ZNF804A: variants seen among roughly 807,000 people sequenced by gnomAD.
ZNF804A encodes the protein zinc finger protein 804A.
ZNF804A carries 2 observed loss-of-function variants against 16.5 expected under a neutral mutation model. The ratio of observed to expected loss-of-function variants is 0.12; its 90% CI spans 0.05 to 0.38. ZNF804A has a LOEUF of 0.38. Among genes scored for constraint, ZNF804A ranks in the 10% least tolerant of loss-of-function variants. The probability of loss-of-function intolerance (pLI) is 0.99; values close to 1 mark genes in which losing one functional copy is unlikely to be tolerated. For synonymous variants in ZNF804A, 534 were observed against 489.6 expected (o/e 1.09, Z -1.20); for missense variants, 1,473 against 1,390.7 (o/e 1.06, Z -0.94).
chr2:184,729,019 T>C (rs1463471306), intron 1 of ZNF804A, among the ~76,000 whole-genome samples: 1 of 151,818 alleles, frequency 6.6e-6, no homozygotes, highest in East Asian at 1.9e-4. Context: ...ACTAGACTAG[T>C]GGTTGCCAGA....
At chr2:184,863,936 T>C (rs1410014674) in intron 1 of ZNF804A, among the ~76,000 whole-genome samples, 1 of 152,170 alleles carries the variant, frequency 6.6e-6, no homozygotes, top group Non-Finnish European at 1.5e-5. Flanking sequence ...AATCAATTAG[T>C]ATAAGTAGGA....
chr2:184,920,923 G>A (rs1685519714), intron 2 of ZNF804A, among the ~76,000 whole-genome samples: 1 of 152,122 alleles, frequency 6.6e-6, no homozygotes, highest in Admixed American at 6.6e-5. Context: ...ATTGATGAAA[G>A]GACAGGTATG....
intron 1 of ZNF804A, among the ~76,000 whole-genome samples, chr2:184,632,092 T>C (rs1286537118): frequency 6.6e-6 from 1 of 152,042 alleles, no homozygotes; most frequent in Non-Finnish European, 1.5e-5. Context: ...TTCATACTGA[T>C]GTTGGGAACT....
At chr2:184,852,632 A>G (rs1695624810) in intron 1 of ZNF804A, among the ~76,000 whole-genome samples, 1 of 151,578 alleles carries the variant, frequency 6.6e-6, no homozygotes, top group Non-Finnish European at 1.5e-5. Flanking sequence ...TTTGTATATG[A>G]TGTGAAACAA....
intron 1 of ZNF804A, among the ~76,000 whole-genome samples, chr2:184,733,548 A>C (rs910602676): frequency 6.6e-6 from 1 of 152,104 alleles, no homozygotes; most frequent in Non-Finnish European, 1.5e-5. Flanking sequence ...TGGCTTAGGG[A>C]AACTTCCTTC....
At chr2:184,891,634 C>T (rs1413310574) in intron 2 of ZNF804A, among the ~76,000 whole-genome samples, 3 of 152,006 alleles carry the variant, frequency 2.0e-5, no homozygotes, top group Non-Finnish European at 4.4e-5. Context: ...CCACTTTTTT[C>T]TCTGATTTCA....
At position 184,938,554 on chromosome 2, in the gene ZNF804A, A is replaced by G. The variant is rs1412252626; in HGVS notation, c.3158A>G (p.Gln1053Arg). The change falls in exon 4 of 4, where the codon CAG becomes CGG. Residue 1053 changes from glutamine (Q) to arginine (R), a missense_variant. Coordinates refer to ENST00000302277, the MANE Select transcript of ZNF804A (RefSeq NM_194250.2). ...AAAAATGTACCATGTGAGGTCTACC[A>G]GCACATTCTGCAGCCAAACATGCTG... Reference protein sequence around the residue: ...KFKNVPCEVYQHILQPNMLAN... With the variant: ...KFKNVPCEVYRHILQPNMLAN... 1 of 1,614,026 alleles carries G rather than the reference A, an allele frequency of 6.2e-7. No individual in the cohort carries two copies. Among genetic ancestry groups the G allele is most frequent in the African/African-American group, 1.3e-5 (1 of 74,936 alleles).
intron 1 of ZNF804A, among the ~76,000 whole-genome samples, chr2:184,743,746 G>A (rs1693741418): frequency 6.6e-6 from 1 of 151,616 alleles, no homozygotes; most frequent in African/African-American, 2.4e-5. Context: ...ATTTAATGGT[G>A]GTATATTTTG....
chr2:184,678,964 A>G (rs747129940), intron 1 of ZNF804A, among the ~76,000 whole-genome samples: 1 of 152,226 alleles, frequency 6.6e-6, no homozygotes, highest in Non-Finnish European at 1.5e-5. Flanking sequence ...GAAACAAACC[A>G]TACATATTAT....
chr2:184,939,102 C>A lies in ZNF804A; in HGVS notation c.*76C>A. On this transcript the variant is annotated 3_prime_UTR_variant, in exon 4 of 4. Transcript: ENST00000302277. ...CGTTAAGTGTTCATCTATGTGGGTA[C>A]ATGGCTATTTAACTGGTGGAAATAA... is the stretch of plus-strand genomic sequence containing the variant. 6.6e-7 allele frequency: 1 copy of A among 1,523,550 alleles called. No individual in the cohort carries two copies. Among genetic ancestry groups the A allele is most frequent in the Non-Finnish European group, 8.8e-7 (1 of 1,130,514 alleles). The allele number at this position is 1,523,550 out of a possible 1,614,324, so 94.4% of individuals were successfully genotyped here. A position where few individuals can be genotyped will look rare whatever the true frequency, so the allele number is the denominator to read the frequency against.
At chr2:184,688,235 G>A (rs986674114) in intron 1 of ZNF804A, among the ~76,000 whole-genome samples, 5 of 151,748 alleles carry the variant, frequency 3.3e-5, no homozygotes, top group South Asian at 2.1e-4. Flanking sequence ...TTATATACCC[G>A]CCACACACTC....
intron 1 of ZNF804A, among the ~76,000 whole-genome samples, chr2:184,851,779 G>C (rs141570427): frequency 2.0e-3 from 296 of 151,720 alleles, no homozygotes; most frequent in Admixed American, 3.2e-3. Context: ...TTGCATAATG[G>C]CTTGCTAATT....
chr2:184,661,352 C>T (rs1334989382), intron 1 of ZNF804A, among the ~76,000 whole-genome samples: 1 of 152,150 alleles, frequency 6.6e-6, no homozygotes, highest in Non-Finnish European at 1.5e-5. Context: ...GCGAGTGTTA[C>T]AGCTCTTTTG....
intron 1 of ZNF804A, among the ~76,000 whole-genome samples, chr2:184,726,186 T>C (rs1693406859): frequency 6.6e-6 from 1 of 151,684 alleles, no homozygotes; most frequent in Non-Finnish European, 1.5e-5. Flanking sequence ...GCTATGCGTA[T>C]TTCTAGAGTT....
At chr2:184,854,543 A>C (rs75948774) in intron 1 of ZNF804A, among the ~76,000 whole-genome samples, 1 of 151,928 alleles carries the variant, frequency 6.6e-6, no homozygotes, top group African/African-American at 2.4e-5. Flanking sequence ...GGACCTACAG[A>C]TTTTTCTATA....
At chr2:184,662,441 TAA>T (rs781091961) in intron 1 of ZNF804A, among the ~76,000 whole-genome samples, 1 of 152,208 alleles carries the variant, frequency 6.6e-6, no homozygotes, top group Non-Finnish European at 1.5e-5. Context: ...AAAGAAAATA[TAA>T]GTGTCCATTG....
In ZNF804A at chr2:184,936,664, A is replaced by C. The variant is rs757852500; in HGVS notation, c.1268A>C (p.Glu423Ala). 1.2e-6 allele frequency: 2 copies of C among 1,613,940 alleles called. No homozygotes were observed. The highest frequency in any genetic ancestry group is 1.3e-5 in the African/African-American group (1 of 74,938). The change falls in exon 4 of 4, where the codon GAG (glutamate) becomes GCG (alanine). Residue 423 changes from glutamate to alanine, a missense_variant. Physicochemically the swap from Glu to Ala is moderately radical, Grantham distance 107. Transcript: ENST00000302277. ...KKTNFCKRQC[E>A]PFVPVLNKHR... ...ACAAATTTCTGCAAAAGACAATGTG[A>C]GCCATTTGTACCTGTCCTTAACAAA...
chr2:184,738,732 G>C (rs573573088), intron 1 of ZNF804A, among the ~76,000 whole-genome samples: 125 of 152,234 alleles, frequency 8.2e-4, no homozygotes, highest in African/African-American at 3.0e-3. Flanking sequence ...TAATGTAATT[G>C]AAAATAATTT....
At chr2:184,716,743 G>C (rs1273119713) in intron 1 of ZNF804A, among the ~76,000 whole-genome samples, 3 of 152,094 alleles carry the variant, frequency 2.0e-5, no homozygotes. Flanking sequence ...ACAAATTCTA[G>C]CAGCAGGTTT....
Sources: gnomAD v4.1 joint callset for allele counts (sites outside exome capture counted in the v4.1 genomes callset) on GRCh38, gnomAD v4.1.1 for gene constraint, MANE v1.5 for transcripts, NCBI Gene and HGNC (gene_info 2026-07-23, HGNC 2026-07-21) for gene names.